The following C3orf22 variants were observed in gnomAD, a reference collection of about 807,000 sequenced individuals.
C3orf22 encodes the protein uncharacterized protein C3orf22.
In C3orf22, 7 loss-of-function variants were observed where a neutral mutation model predicts 10.8. That is an observed-to-expected ratio of 0.65 (90% CI 0.37 to 1.22). C3orf22 has a LOEUF of 1.22. Ranked by LOEUF, C3orf22 falls within the 50% of genes most tolerant of loss-of-function variation. The pLI, the probability that C3orf22 is intolerant of heterozygous loss-of-function variation, is 0.02. For synonymous variants in C3orf22, 79 were observed against 78.9 expected (o/e 1.00, Z 0.00); for missense variants, 173 against 177.0 (o/e 0.98, Z 0.13).
intron 5 of C3orf22, among the ~76,000 whole-genome samples, chr3:126,528,859 C>T (rs1172862279): frequency 6.6e-6 from 1 of 152,206 alleles, no homozygotes; most frequent in African/African-American, 2.4e-5. Flanking sequence ...TGGGCCTGAT[C>T]CCCAGAAGGA....
At chr3:126,539,740 ACC>A (rs1391940497) in intron 4 of C3orf22, among the ~76,000 whole-genome samples, 19 of 51,876 alleles carry the variant, frequency 3.7e-4, no homozygotes, top group Non-Finnish European at 4.5e-4. Flanking sequence ...CCACACACAC[ACC>A]CCACACCACA....
At chr3:126,542,053 C>T in intron 4 of C3orf22, 9 of 1,578,668 alleles carry the variant, frequency 5.7e-6, no homozygotes, top group Non-Finnish European at 7.7e-6. Context: ...TGCGCGCCTA[C>T]TTGGCCTTCC....
chr3:126,535,252 GAGAC>G (rs1936755013), intron 4 of C3orf22, among the ~76,000 whole-genome samples: 2 of 144,162 alleles, frequency 1.4e-5, no homozygotes, highest in South Asian at 4.5e-4. Flanking sequence ...CCTCAGCTGG[GAGAC>G]AGACAGACAG....
downstream of C3orf22, chr3:126,549,605 A>G (rs1373616017): frequency 2.9e-6 from 4 of 1,382,312 alleles, no homozygotes; most frequent in East Asian, 1.3e-4. Context: ...CCTCACACCA[A>G]CCCTGCAAGA....
At chr3:126,527,026 C>T (rs929951125) in exon 6 of C3orf22, 2 of 152,212 alleles carry the variant, frequency 1.3e-5, no homozygotes, top group African/African-American at 4.8e-5. Flanking sequence ...AATATGAAAA[C>T]CCAAGATCTC....
At chr3:126,540,052 C>T (rs1336426567) in intron 4 of C3orf22, among the ~76,000 whole-genome samples, 4 of 147,152 alleles carry the variant, frequency 2.7e-5, no homozygotes, top group African/African-American at 1.0e-4. Context: ...CACACAGAGA[C>T]ATCATGCACC....
downstream of C3orf22, chr3:126,549,552 T>G: frequency 3.4e-6 from 3 of 881,686 alleles, no homozygotes; most frequent in Non-Finnish European, 5.0e-6. Flanking sequence ...TGAGTGTACA[T>G]TTGGGATAAA....
At chr3:126,531,184 A>G (rs1181096298) in intron 4 of C3orf22, among the ~76,000 whole-genome samples, 1 of 152,264 alleles carries the variant, frequency 6.6e-6, no homozygotes, top group Non-Finnish European at 1.5e-5. Context: ...GCTGCTGGAA[A>G]TGCAGATTCT....
At chr3:126,530,529 T>C (rs563986212) in intron 4 of C3orf22, among the ~76,000 whole-genome samples, 2 of 152,312 alleles carry the variant, frequency 1.3e-5, no homozygotes, top group East Asian at 3.9e-4. Flanking sequence ...CCAGCCACAG[T>C]TCCCAGGAAA....
At chr3:126,553,466 G>T in intron 1 of C3orf22, 36 bp from the exon 2 acceptor site, 1 of 1,285,276 alleles carries the variant, frequency 7.8e-7, no homozygotes, top group Non-Finnish European at 1.1e-6. Flanking sequence ...GGGGGCAGGG[G>T]TGGTGGGGGG....
chr3:126,549,771 T>G lies in C3orf22; in HGVS notation c.*97A>C. 1 of 1,513,920 alleles carries G rather than the reference T, an allele frequency of 6.6e-7. No individual in the cohort carries two copies. The highest frequency in any genetic ancestry group is 8.8e-7 in the Non-Finnish European group (1 of 1,130,804). 93.8% of individuals were successfully genotyped at this position (1,513,920 alleles called of 1,614,324 possible). A position where few individuals can be genotyped will look rare whatever the true frequency, so the allele number is the denominator to read the frequency against. On this transcript the variant is annotated 3_prime_UTR_variant, in exon 4 of 4. Transcript: ENST00000318225. ...AACCACTCCCGGTCTATGATGGCCA[T>G]GAAGGCTGATCCCTTTACTAAAGTC... is the stretch of plus-strand genomic sequence containing the variant.
At chr3:126,531,040 C>T (rs372641372) in intron 4 of C3orf22, among the ~76,000 whole-genome samples, 3 of 152,396 alleles carry the variant, frequency 2.0e-5, no homozygotes, top group East Asian at 1.9e-4. Context: ...GTGCAAGGCC[C>T]GTCCAGCTGC....
At chr3:126,533,164 A>G (rs1936693472) in intron 4 of C3orf22, among the ~76,000 whole-genome samples, 1 of 152,154 alleles carries the variant, frequency 6.6e-6, no homozygotes, top group Non-Finnish European at 1.5e-5. Context: ...ATATACGGTT[A>G]TGTCATCTAT....
At position 126,535,061 on chromosome 3, in the gene C3orf22, CAG is replaced by C. The variant is rs1936744117; in HGVS notation, c.287-5691_287-5690del. ...AGCATCGCTGTCCTCAGCCGGGAGA[CAG>C]ACAGACAGCATCCCTGTCCCCAGCC... On this transcript the variant is annotated intron_variant and NMD_transcript_variant, in intron 4 of 5. Coordinates refer to the C3orf22 transcript ENST00000505070. Among the ~76,000 whole-genome samples, 154 of 46,242 alleles carry C rather than the reference CAG, an allele frequency of 3.3e-3. 6 individuals are homozygous for C. Among genetic ancestry groups the C allele is most frequent in the East Asian group, 9.9e-3 (12 of 1,218 alleles). 30.3% of individuals were successfully genotyped at this position (46,242 alleles called of 152,430 possible).
At position 126,553,756 on chromosome 3, in the gene C3orf22, C is replaced by T. The variant is rs931292769; in HGVS notation, c.-40-326G>A. On this transcript the variant is annotated intron_variant, in intron 1 of 3. Coordinates refer to ENST00000318225, the MANE Select transcript of C3orf22 (RefSeq NM_152533.3). ...GCCATGTGATTTCAGGAGCGCTATGCGGAGGAACTGCACACGAGGTGTGTT... is the reference window on the plus strand; with the variant it reads ...GCCATGTGATTTCAGGAGCGCTATGTGGAGGAACTGCACACGAGGTGTGTT... 5.9e-5 allele frequency among the ~76,000 whole-genome samples: 9 copies of T among 152,146 alleles called. No individual in the cohort carries two copies. In the South Asian group the frequency reaches 6.2e-4, roughly 11 times the overall value.
chr3:126,529,369 T>C (rs1413416764), exon 5 of C3orf22: 1 of 1,289,270 alleles, frequency 7.8e-7, no homozygotes, highest in Admixed American at 2.3e-5. Flanking sequence ...TGGGGCCCAC[T>C]TGCCTACGGA....
At chr3:126,551,001 G>A (rs573582532) in intron 3 of C3orf22, among the ~76,000 whole-genome samples, 11 of 152,380 alleles carry the variant, frequency 7.2e-5, no homozygotes, top group Admixed American at 4.6e-4. Flanking sequence ...TCAGCTCGGC[G>A]ATGTGGGGCA....
chr3:126,542,684 G>C lies in C3orf22; in HGVS notation c.286+6853C>G, dbSNP rs1451556720. The C allele has an allele frequency of 2.9e-6, 4 of 1,360,588 alleles. No homozygotes were observed. In the African/African-American group the frequency reaches 4.6e-5, roughly 16 times the overall value. The allele number at this position is 1,360,588 out of a possible 1,614,324, so 84.3% of individuals were successfully genotyped here. ...AGGACCCCTCTTCAAGAGCCACTGC[G>C]TGCACTCACCTGGCCGCCGGGCCAG... On this transcript the variant is annotated intron_variant and NMD_transcript_variant, in intron 4 of 5. Transcript: ENST00000505070.
rs1937247160 is a variant in C3orf22, at chr3:126,553,343, C to T, written c.48G>A (p.Arg16=). Residue 16 remains arginine (R), a synonymous_variant, in exon 2 of 4, where the codon AGG becomes AGA. Coordinates refer to ENST00000318225, the MANE Select transcript of C3orf22 (RefSeq NM_152533.3). ...CKKSHQSKKW[R]IQAQENFAKK... ...TGGCAAAATTCTCCTGGGCCTGGAT[C>T]CTCCACTTCTTACTCTGGTGAGACT... 1 of 1,614,166 alleles carries T rather than the reference C, an allele frequency of 6.2e-7. No homozygotes were observed. Among genetic ancestry groups the T allele is most frequent in the East Asian group, 2.2e-5 (1 of 44,874 alleles).
Sources: allele counts gnomAD v4.1 joint callset (sites outside exome capture counted in the v4.1 genomes callset), GRCh38; gene constraint gnomAD v4.1.1; transcripts MANE v1.5; gene names NCBI Gene and HGNC (gene_info 2026-07-23, HGNC 2026-07-21).